NRXN1: variants seen among roughly 807,000 people sequenced by gnomAD.
NRXN1 encodes neurexin 1, also known as neurexin-1.
NRXN1 carries 39 observed loss-of-function variants against 150.9 expected under a neutral mutation model. That is an observed-to-expected ratio of 0.26 (90% CI 0.20 to 0.34). The LOEUF (loss-of-function observed/expected upper bound fraction) is 0.34. NRXN1 is among the 10% of genes least tolerant of loss of function. The pLI is 1.00. For synonymous variants in NRXN1, 924 were observed against 757.0 expected (o/e 1.22, Z -3.62); for missense variants, 1,815 against 1,949.9 (o/e 0.93, Z 1.30).
chr2:50,621,852 G>C (rs1286494466), intron 6 of NRXN1, among the ~76,000 whole-genome samples: 1 of 147,658 alleles, frequency 6.8e-6, no homozygotes, highest in East Asian at 1.9e-4. Context: ...AGAATGAGTA[G>C]AATGGATTTG....
At chr2:50,512,354 G>T (rs1178527036) in intron 12 of NRXN1, among the ~76,000 whole-genome samples, 1 of 152,006 alleles carries the variant, frequency 6.6e-6, no homozygotes, top group African/African-American at 2.4e-5. Context: ...TAGAAAATGT[G>T]TTTATTATTT....
At chr2:50,437,529 G>C (rs1558731247) in intron 17 of NRXN1, among the ~76,000 whole-genome samples, 1 of 152,152 alleles carries the variant, frequency 6.6e-6, no homozygotes, top group African/African-American at 2.4e-5. Flanking sequence ...TGAATAAATT[G>C]TAGCAGTATT....
chr2:50,575,159 G>A (rs996135862), intron 8 of NRXN1, among the ~76,000 whole-genome samples: 2 of 152,304 alleles, frequency 1.3e-5, no homozygotes, highest in South Asian at 4.1e-4. Flanking sequence ...AACATTTTGA[G>A]ATTCTGTTAT....
At chr2:51,027,188 G>A (rs1670629653) in intron 2 of NRXN1, among the ~76,000 whole-genome samples, 1 of 152,154 alleles carries the variant, frequency 6.6e-6, no homozygotes, top group African/African-American at 2.4e-5. Context: ...CCCAATATAG[G>A]GCCCAACCTG....
intron 5 of NRXN1, among the ~76,000 whole-genome samples, chr2:50,800,346 T>G (rs905118302): frequency 6.6e-6 from 1 of 152,158 alleles, no homozygotes; most frequent in African/African-American, 2.4e-5. Context: ...ACTATCTATA[T>G]TTACATTGCA....
intron 17 of NRXN1, among the ~76,000 whole-genome samples, chr2:50,267,642 A>G (rs1300292842): frequency 6.6e-6 from 1 of 152,172 alleles, no homozygotes; most frequent in Non-Finnish European, 1.5e-5. Flanking sequence ...CAACTAATCA[A>G]GAAATATTTA....
At chr2:50,660,524 T>G (rs1420060527) in intron 5 of NRXN1, among the ~76,000 whole-genome samples, 1 of 152,030 alleles carries the variant, frequency 6.6e-6, no homozygotes, top group South Asian at 2.1e-4. Context: ...TTAATCTGTT[T>G]TGGTTTTTAG....
chr2:50,679,528 C>T (rs1386788883), intron 5 of NRXN1, among the ~76,000 whole-genome samples: 1 of 152,098 alleles, frequency 6.6e-6, no homozygotes, highest in Non-Finnish European at 1.5e-5. Context: ...TAGAGTAAAG[C>T]TCACACACCA....
intron 5 of NRXN1, among the ~76,000 whole-genome samples, chr2:50,882,849 T>C (rs927323850): frequency 6.6e-6 from 1 of 151,836 alleles, no homozygotes; most frequent in African/African-American, 2.4e-5. Flanking sequence ...AACAGACTTA[T>C]ACATACAAAA....
chr2:50,038,096 T>A (rs1298075062), intron 21 of NRXN1, among the ~76,000 whole-genome samples: 1 of 152,116 alleles, frequency 6.6e-6, no homozygotes, highest in East Asian at 1.9e-4. Context: ...TAGAGATACC[T>A]GAGGATAAAG....
intron 5 of NRXN1, among the ~76,000 whole-genome samples, chr2:50,818,526 C>T (rs978091464): frequency 6.6e-5 from 10 of 151,760 alleles, no homozygotes; most frequent in African/African-American, 2.4e-4. Flanking sequence ...CAAAAATCAA[C>T]TCATAATAGA....
chr2:50,145,040 C>T (rs1253281701), intron 18 of NRXN1, among the ~76,000 whole-genome samples: 1 of 151,386 alleles, frequency 6.6e-6, no homozygotes. Flanking sequence ...GAGATGCTGG[C>T]TATTTCTGTG....
chr2:50,357,878 C>G (rs2078931490), intron 17 of NRXN1, among the ~76,000 whole-genome samples: 1 of 152,150 alleles, frequency 6.6e-6, no homozygotes, highest in Admixed American at 6.5e-5. Context: ...ACTAAGGTAC[C>G]TGGTTCATCT....
chr2:50,670,923 C>G (rs916745082), intron 5 of NRXN1, among the ~76,000 whole-genome samples: 1 of 151,642 alleles, frequency 6.6e-6, no homozygotes, highest in Admixed American at 6.6e-5. Flanking sequence ...AGTTGGTGTC[C>G]GCTGTGTTAC....
intron 18 of NRXN1, among the ~76,000 whole-genome samples, chr2:50,132,033 C>T (rs1414795037): frequency 6.6e-6 from 1 of 152,114 alleles, no homozygotes; most frequent in African/African-American, 2.4e-5. Flanking sequence ...TTACCTTTTT[C>T]CATTTGCAAT....
chr2:50,783,637 T>C (rs1031479709), intron 5 of NRXN1, among the ~76,000 whole-genome samples: 1 of 152,154 alleles, frequency 6.6e-6, no homozygotes, highest in African/African-American at 2.4e-5. Flanking sequence ...TATCCACTAT[T>C]CACAGTGAAT....
rs1332152655 is a variant in NRXN1 at position 50,807,008 on chromosome 2, T to A, written c.832+114861A>T. Among the ~76,000 whole-genome samples, 3 of 152,138 alleles carry A rather than the reference T, an allele frequency of 2.0e-5. No individual in the cohort carries two copies. In the East Asian group the frequency reaches 5.8e-4, roughly 29 times the overall value. ...TTTGTGATTAATTTATTTTGCTTTATAAGAGGAATTCTGGGGGTAGCATAC... is the reference window on the plus strand; with the variant it reads ...TTTGTGATTAATTTATTTTGCTTTAAAAGAGGAATTCTGGGGGTAGCATAC... On this transcript the variant is annotated intron_variant, in intron 5 of 22. Coordinates refer to ENST00000401669, the MANE Select transcript of NRXN1 (RefSeq NM_001330078.2).
At chr2:50,403,368 C>A (rs950196356) in intron 17 of NRXN1, among the ~76,000 whole-genome samples, 1 of 152,058 alleles carries the variant, frequency 6.6e-6, no homozygotes, top group African/African-American at 2.4e-5. Flanking sequence ...AATAAGGAAT[C>A]TTAGATTTCA....
chr2:50,877,350 A>G (rs2103633198), intron 5 of NRXN1, among the ~76,000 whole-genome samples: 1 of 152,036 alleles, frequency 6.6e-6, no homozygotes, highest in Non-Finnish European at 1.5e-5. Flanking sequence ...TTCACAGGCT[A>G]GTTAATTCTA....
Sources: allele counts gnomAD v4.1 joint callset (sites outside exome capture counted in the v4.1 genomes callset), GRCh38; gene constraint gnomAD v4.1.1; transcripts MANE v1.5; gene names NCBI Gene and HGNC (gene_info 2026-07-23, HGNC 2026-07-21).